SORCS3: variants seen among roughly 807,000 people sequenced by gnomAD.
The protein encoded by SORCS3 is sortilin related VPS10 domain containing receptor 3.
Under a neutral mutation model 146.3 loss-of-function variants are expected in SORCS3, and 57 were observed. The observed-to-expected ratio is 0.39, with a 90% confidence interval of 0.31 to 0.49. The LOEUF is 0.49. SORCS3 is among the 20% of genes least tolerant of loss of function. The pLI is 0.92. For synonymous variants in SORCS3, 653 were observed against 618.5 expected (o/e 1.06, Z -0.83); for missense variants, 1,341 against 1,575.5 (o/e 0.85, Z 2.52).
chr10:104,681,397 A>G (rs2015973366), intron 1 of SORCS3, among the ~76,000 whole-genome samples: 1 of 152,080 alleles, frequency 6.6e-6, no homozygotes, highest in South Asian at 2.1e-4. Context: ...CTCCCACGGA[A>G]CACCACCAGG....
intron 1 of SORCS3, among the ~76,000 whole-genome samples, chr10:104,834,939 G>A (rs2018048937): frequency 2.0e-5 from 3 of 151,944 alleles, no homozygotes; most frequent in African/African-American, 7.2e-5. Context: ...CTGAGCCACA[G>A]AGTTGGTAAT....
At chr10:104,913,465 G>A (rs2018991248) in intron 2 of SORCS3, among the ~76,000 whole-genome samples, 1 of 152,226 alleles carries the variant, frequency 6.6e-6, no homozygotes, top group Non-Finnish European at 1.5e-5. Context: ...CAGAGAATAA[G>A]TCAGCTTTTG....
At chr10:104,736,632 T>TA (rs2016776297) in intron 1 of SORCS3, among the ~76,000 whole-genome samples, 2 of 152,226 alleles carry the variant, frequency 1.3e-5, no homozygotes, top group African/African-American at 4.8e-5. Flanking sequence ...AAATGGTTTT[T>TA]CTGTTGTCTT....
chr10:105,020,546 G>A (rs1012933847), intron 4 of SORCS3, among the ~76,000 whole-genome samples: 4 of 151,748 alleles, frequency 2.6e-5, no homozygotes, highest in Non-Finnish European at 5.9e-5. Context: ...TCACACTATG[G>A]TAAATTAGAG....
chr10:104,887,376 G>A (rs1225091818), intron 2 of SORCS3, among the ~76,000 whole-genome samples: 4 of 152,150 alleles, frequency 2.6e-5, no homozygotes, highest in Admixed American at 6.5e-5. Flanking sequence ...AAACAAATAT[G>A]GATCTTGGGG....
At chr10:105,090,974 TTG>T (rs2055697803) in intron 6 of SORCS3, among the ~76,000 whole-genome samples, 1 of 152,158 alleles carries the variant, frequency 6.6e-6, no homozygotes, top group Admixed American at 6.5e-5. Context: ...AAATGTGCAT[TTG>T]GGGGAATATG....
At chr10:105,068,637 G>A (rs559390898) in intron 5 of SORCS3, among the ~76,000 whole-genome samples, 1 of 152,274 alleles carries the variant, frequency 6.6e-6, no homozygotes, top group South Asian at 2.1e-4. Context: ...AAAGCGTAAT[G>A]ACACATTAGT....
chr10:104,985,765 G>A (rs184458227), intron 4 of SORCS3, among the ~76,000 whole-genome samples: 253 of 152,316 alleles, frequency 1.7e-3, no homozygotes, highest in Admixed American at 2.8e-3. Flanking sequence ...GAGCTCTTGA[G>A]TGACCAGGTG....
intron 1 of SORCS3, among the ~76,000 whole-genome samples, chr10:104,767,384 C>T (rs2017193004): frequency 6.6e-6 from 1 of 152,170 alleles, no homozygotes; most frequent in South Asian, 2.1e-4. Context: ...CTTGGGACTG[C>T]TAGCCTACCT....
intron 1 of SORCS3, among the ~76,000 whole-genome samples, chr10:104,762,432 C>T (rs1034368440): frequency 2.0e-5 from 3 of 152,162 alleles, no homozygotes; most frequent in South Asian, 2.1e-4. Context: ...CAGCTGGCTG[C>T]GGCATACTAC....
chr10:104,959,583 T>C (rs2054780930), intron 3 of SORCS3, among the ~76,000 whole-genome samples: 1 of 152,152 alleles, frequency 6.6e-6, no homozygotes, highest in Non-Finnish European at 1.5e-5. Flanking sequence ...TGATATTCTT[T>C]TATAGGAGCC....
intron 3 of SORCS3, among the ~76,000 whole-genome samples, chr10:104,950,756 C>T (rs1186587633): frequency 6.6e-6 from 1 of 152,166 alleles, no homozygotes. Context: ...AATCTCAGAA[C>T]TTCAGAATCA....
At chr10:105,131,839 A>G (rs773931513) in intron 7 of SORCS3, among the ~76,000 whole-genome samples, 11 of 152,094 alleles carry the variant, frequency 7.2e-5, no homozygotes, top group Non-Finnish European at 1.5e-4. Flanking sequence ...AGAACTCACT[A>G]TCGCACGGAC....
intron 1 of SORCS3, among the ~76,000 whole-genome samples, chr10:104,784,009 C>T (rs2017404380): frequency 6.6e-6 from 1 of 152,224 alleles, no homozygotes; most frequent in Non-Finnish European, 1.5e-5. Flanking sequence ...CTTGGAGATT[C>T]ACAATGCACC....
At chr10:104,696,093 A>ATATAATATATATCATATACACATATAAT (rs755039152) in intron 1 of SORCS3, among the ~76,000 whole-genome samples, 1 of 17,792 alleles carries the variant, frequency 5.6e-5, no homozygotes, top group African/African-American at 1.7e-4. Flanking sequence ...ACACATATAT[A>ATATAATATATATCATATACACATATAAT]ATATATCATA....
chr10:105,220,445 C>A (rs1191722548), intron 19 of SORCS3, among the ~76,000 whole-genome samples: 1 of 152,248 alleles, frequency 6.6e-6, no homozygotes, highest in East Asian at 1.9e-4. Flanking sequence ...TGAGCCAAGG[C>A]CCCCAAGTGA....
intron 1 of SORCS3, among the ~76,000 whole-genome samples, chr10:104,749,229 GTGTGTGT>G (rs2016953094): frequency 3.2e-5 from 2 of 62,092 alleles, no homozygotes; most frequent in African/African-American, 3.3e-4. Flanking sequence ...AGTATAGGGT[GTGTGTGT>G]GTGTGTGTGT....
chr10:104,858,120 G>A (rs928861572), intron 2 of SORCS3, among the ~76,000 whole-genome samples: 2 of 152,032 alleles, frequency 1.3e-5, no homozygotes, highest in African/African-American at 2.4e-5. Context: ...TCTCTTTTGT[G>A]AATATTTAAA....
chr10:104,849,875 A>G (rs762910287), intron 2 of SORCS3, among the ~76,000 whole-genome samples: 1 of 152,176 alleles, frequency 6.6e-6, no homozygotes, highest in Non-Finnish European at 1.5e-5. Context: ...GAAATTGTGC[A>G]TTTCTACTTG....
Sources: gnomAD v4.1 joint callset for allele counts (sites outside exome capture counted in the v4.1 genomes callset) on GRCh38, gnomAD v4.1.1 for gene constraint, MANE v1.5 for transcripts, NCBI Gene and HGNC (gene_info 2026-07-23, HGNC 2026-07-21) for gene names.